TRAPPC9: variants seen among roughly 807,000 people sequenced by gnomAD.
TRAPPC9 encodes trafficking protein particle complex subunit 9, also known as IKK2 binding protein.
A neutral mutation model predicts 124.0 loss-of-function variants in TRAPPC9; 83 were observed. The observed-to-expected ratio is 0.67, with a 90% CI of 0.56 to 0.80. The LOEUF (loss-of-function observed/expected upper bound fraction) is 0.80. TRAPPC9 is among the 30% of genes least tolerant of loss of function. The pLI is 0.00. For missense variants in TRAPPC9, 1,302 were observed against 1,508.3 expected (o/e 0.86, Z 2.27); for synonymous variants, 638 against 617.5 (o/e 1.03, Z -0.49).
At chr8:140,420,727 C>T (rs968440574) in intron 5 of TRAPPC9, among the ~76,000 whole-genome samples, 1 of 151,824 alleles carries the variant, frequency 6.6e-6, no homozygotes, top group Non-Finnish European at 1.5e-5. Flanking sequence ...AAACAAATAT[C>T]TAGTGAAAAA....
chr8:140,130,242 T>C (rs569780791), intron 17 of TRAPPC9, among the ~76,000 whole-genome samples: 1 of 148,204 alleles, frequency 6.7e-6, no homozygotes, highest in Admixed American at 6.9e-5. Flanking sequence ...GGAAGGCTGA[T>C]AAAGAACAGG....
At chr8:140,083,282 T>C (rs1047641878) in intron 17 of TRAPPC9, among the ~76,000 whole-genome samples, 3 of 152,214 alleles carry the variant, frequency 2.0e-5, no homozygotes, top group Non-Finnish European at 4.4e-5. Context: ...TCCACGGAGA[T>C]ATCAAACAGT....
intron 18 of TRAPPC9, among the ~76,000 whole-genome samples, chr8:140,001,965 A>G (rs1027952071): frequency 8.5e-5 from 13 of 152,226 alleles, no homozygotes; most frequent in African/African-American, 2.9e-4. Context: ...ATTGTTTTAA[A>G]AATCATTCTG....
intron 8 of TRAPPC9, among the ~76,000 whole-genome samples, chr8:140,369,406 C>G (rs1323875959): frequency 6.6e-6 from 1 of 152,178 alleles, no homozygotes; most frequent in Non-Finnish European, 1.5e-5. Context: ...ATCACTCACC[C>G]AACACACTGC....
intron 17 of TRAPPC9, among the ~76,000 whole-genome samples, chr8:140,111,748 G>A (rs896276538): frequency 6.6e-6 from 1 of 152,242 alleles, no homozygotes; most frequent in African/African-American, 2.4e-5. Context: ...CAGGATTTGC[G>A]ACTCGCTGTT....
At chr8:140,230,026 C>G (rs1257805500) in intron 16 of TRAPPC9, among the ~76,000 whole-genome samples, 3 of 152,184 alleles carry the variant, frequency 2.0e-5, no homozygotes, top group African/African-American at 7.2e-5. Context: ...ACAGACACTT[C>G]CTCCCAGTCA....
In TRAPPC9 at chr8:139,729,827, C is replaced by A. The variant is rs1297805466; in HGVS notation, c.*1234G>T. On this transcript the variant is annotated 3_prime_UTR_variant, in exon 23 of 23. Transcript: ENST00000438773. ...GTTTGGCCAACTGGCCTTTAGGAAG[C>A]CCCGCTCTCTGTCCCCCAATACTCC... Among the ~76,000 whole-genome samples the A allele has an allele frequency of 6.6e-6, 1 of 152,104 alleles. No individual in the cohort carries two copies. Among genetic ancestry groups the A allele is most frequent in the Non-Finnish European group, 1.5e-5 (1 of 68,016 alleles).
chr8:140,005,057 A>C (rs1257559810), intron 18 of TRAPPC9, among the ~76,000 whole-genome samples: 1 of 152,220 alleles, frequency 6.6e-6, no homozygotes, highest in Non-Finnish European at 1.5e-5. Context: ...TCTGAAGTCC[A>C]GAGAAAACAA....
At chr8:140,062,409 T>C (rs1014826671) in intron 17 of TRAPPC9, among the ~76,000 whole-genome samples, 1 of 152,176 alleles carries the variant, frequency 6.6e-6, no homozygotes, top group African/African-American at 2.4e-5. Flanking sequence ...TTTTCCAGCT[T>C]CACCTTCTAT....
chr8:140,355,468 C>G (rs1385320685), intron 9 of TRAPPC9, among the ~76,000 whole-genome samples: 1 of 152,218 alleles, frequency 6.6e-6, no homozygotes, highest in Non-Finnish European at 1.5e-5. Context: ...CTAACTCACT[C>G]TACAAATACC....
chr8:139,729,638 T>C lies in TRAPPC9; in HGVS notation c.*1423A>G, dbSNP rs1817707061. On this transcript the variant is annotated 3_prime_UTR_variant, in exon 23 of 23. Coordinates refer to ENST00000438773, the MANE Select transcript of TRAPPC9 (RefSeq NM_001160372.4). The stretch of plus-strand genomic sequence containing the variant: ...GGAGGCCACAGATGGAACAAAAAAT[T>C]TGTTCCTTAGGCCGGAGGCCACAGG... Among the ~76,000 whole-genome samples the C allele has an allele frequency of 6.6e-6, 1 of 152,112 alleles. No homozygotes were observed. Among genetic ancestry groups the C allele is most frequent in the Non-Finnish European group, 1.5e-5 (1 of 68,012 alleles).
chr8:140,429,086 G>GTTT (rs71320358), intron 4 of TRAPPC9, among the ~76,000 whole-genome samples: 5 of 143,050 alleles, frequency 3.5e-5, no homozygotes, highest in Admixed American at 6.9e-5. Context: ...TTCTGTTTTT[G>GTTT]TTTTTTTTTT....
At chr8:139,887,048 C>A (rs1343008406) in intron 20 of TRAPPC9, among the ~76,000 whole-genome samples, 2 of 151,944 alleles carry the variant, frequency 1.3e-5, no homozygotes, top group Non-Finnish European at 2.9e-5. Flanking sequence ...ATATCCCCCT[C>A]ATCAATGGTC....
At chr8:140,208,325 T>C (rs2062976286) in intron 17 of TRAPPC9, among the ~76,000 whole-genome samples, 1 of 152,182 alleles carries the variant, frequency 6.6e-6, no homozygotes, top group Non-Finnish European at 1.5e-5. Context: ...GGTCCAGTCC[T>C]AAAGACAACA....
intron 17 of TRAPPC9, among the ~76,000 whole-genome samples, chr8:140,198,418 T>C (rs4496947): frequency 0.69 from 104,373 of 151,708 alleles, 36,261 homozygotes; most frequent in African/African-American, 0.79. Flanking sequence ...AACCCTGTAC[T>C]TGATGGATCA....
chr8:140,149,524 G>A (rs540853555), intron 17 of TRAPPC9, among the ~76,000 whole-genome samples: 49 of 152,116 alleles, frequency 3.2e-4, no homozygotes, highest in Non-Finnish European at 5.4e-4. Flanking sequence ...GGAGGCTGAG[G>A]CAGGAGAATC....
At chr8:140,287,291 G>A (rs1236869263) in intron 13 of TRAPPC9, among the ~76,000 whole-genome samples, 1 of 151,688 alleles carries the variant, frequency 6.6e-6, no homozygotes, top group Non-Finnish European at 1.5e-5. Flanking sequence ...AGCGTGTGTA[G>A]ACACCCTCTG....
rs1819565061 is a variant in TRAPPC9 at position 139,754,486 on chromosome 8, G to A, written c.3056-22284C>T. ...CTTCCAAGACTGCCTCCATTCAGGG[G>A]TGCTGCCGTGACCGAGATCACAGAC... On this transcript the variant is annotated intron_variant, in intron 21 of 22. Transcript: ENST00000438773. Among the ~76,000 whole-genome samples, 3 of 152,280 alleles carry A rather than the reference G, an allele frequency of 2.0e-5. No individual in the cohort carries two copies. The South Asian group carries it at 6.2e-4, about 32-fold the overall frequency.
chr8:139,774,969 C>T (rs930038704), intron 21 of TRAPPC9, among the ~76,000 whole-genome samples: 1 of 152,208 alleles, frequency 6.6e-6, no homozygotes, highest in African/African-American at 2.4e-5. Context: ...CGGATGGTAT[C>T]ATGTCGCCTC....
Sources: allele counts gnomAD v4.1 joint callset (sites outside exome capture counted in the v4.1 genomes callset), GRCh38; gene constraint gnomAD v4.1.1; transcripts MANE v1.5; gene names NCBI Gene and HGNC (gene_info 2026-07-23, HGNC 2026-07-21).